OXR1: variants seen among roughly 807,000 people sequenced by gnomAD.
The protein encoded by OXR1 is oxidation resistance 1.
OXR1 carries 41 observed loss-of-function variants against 104.6 expected under a neutral mutation model. The ratio of observed to expected loss-of-function variants is 0.39; its 90% CI spans 0.31 to 0.51. OXR1 has a LOEUF of 0.51. Among genes scored for constraint, OXR1 ranks in the 20% least tolerant of loss-of-function variants. The pLI is 0.77. For synonymous variants in OXR1, 348 were observed against 348.4 expected, an observed-to-expected ratio of 1.00 and a Z score of 0.01; for missense variants, 955 against 1,031.9, an observed-to-expected ratio of 0.93 and a Z score of 1.02.
At chr8:106,319,633 T>C (rs989963922) in intron 1 of OXR1, among the ~76,000 whole-genome samples, 3 of 152,206 alleles carry the variant, frequency 2.0e-5, no homozygotes, top group African/African-American at 7.2e-5. Context: ...AGGAAACTTA[T>C]CTTCCTGACA....
At chr8:106,693,928 T>A (rs570247061) in intron 7 of OXR1, among the ~76,000 whole-genome samples, 2 of 152,200 alleles carry the variant, frequency 1.3e-5, no homozygotes, top group Admixed American at 1.3e-4. Flanking sequence ...TTTATGAGTA[T>A]TTGAAACACA....
chr8:106,722,637 G>A (rs1435282787), intron 11 of OXR1, among the ~76,000 whole-genome samples: 4 of 152,136 alleles, frequency 2.6e-5, no homozygotes, highest in Admixed American at 2.0e-4. Flanking sequence ...GTCACCTATA[G>A]TATTCAGTAC....
chr8:106,523,009 ATTGC>A (rs1287553833), intron 3 of OXR1, among the ~76,000 whole-genome samples: 9 of 152,068 alleles, frequency 5.9e-5, no homozygotes, highest in Admixed American at 5.9e-4. Flanking sequence ...CAGGGGAAAA[ATTGC>A]TTCTAAGCTC....
chr8:106,375,946 C>T (rs965375878), intron 2 of OXR1, among the ~76,000 whole-genome samples: 1 of 152,204 alleles, frequency 6.6e-6, no homozygotes, highest in Admixed American at 6.5e-5. Flanking sequence ...AACTCCTGGG[C>T]TCAAGCCATC....
At chr8:106,556,608 A>G (rs1307835538) in intron 3 of OXR1, among the ~76,000 whole-genome samples, 1 of 152,178 alleles carries the variant, frequency 6.6e-6, no homozygotes, top group African/African-American at 2.4e-5. Flanking sequence ...AAATTGTTCT[A>G]ATTAAATGAG....
chr8:106,649,854 G>A (rs1280713086), intron 3 of OXR1, among the ~76,000 whole-genome samples: 1 of 151,934 alleles, frequency 6.6e-6, no homozygotes, highest in Non-Finnish European at 1.5e-5. Flanking sequence ...CCACCGCCAC[G>A]CCCAGCTAAT....
chr8:106,577,488 C>T (rs1397887191), intron 3 of OXR1, among the ~76,000 whole-genome samples: 1 of 145,682 alleles, frequency 6.9e-6, no homozygotes, highest in Admixed American at 7.2e-5. Flanking sequence ...CTCCCGGGTT[C>T]ACACCATTCT....
intron 3 of OXR1, among the ~76,000 whole-genome samples, chr8:106,595,550 C>CAAAAAAAAAAAAAAAAAA (rs67790797): frequency 1.6e-5 from 1 of 60,728 alleles, no homozygotes; most frequent in African/African-American, 5.3e-5. Flanking sequence ...AACTCCGTCT[C>CAAAAAAAAAAAAAAAAAA]AAAAAAAAAA....
At chr8:106,307,795 TTC>T (rs1813525061) in intron 1 of OXR1, among the ~76,000 whole-genome samples, 1 of 152,190 alleles carries the variant, frequency 6.6e-6, no homozygotes, top group South Asian at 2.1e-4. Context: ...TTCTAAATCT[TTC>T]CCTGTTTGTA....
At chr8:106,317,289 T>G (rs1476826146) in intron 1 of OXR1, among the ~76,000 whole-genome samples, 1 of 152,194 alleles carries the variant, frequency 6.6e-6, no homozygotes, top group East Asian at 1.9e-4. Flanking sequence ...AACGCTTGCA[T>G]TTTTATGTTT....
At chr8:106,621,517 A>T (rs1370429187) in intron 3 of OXR1, among the ~76,000 whole-genome samples, 1 of 120,554 alleles carries the variant, frequency 8.3e-6, no homozygotes, top group Non-Finnish European at 1.7e-5. Context: ...CAATAAGAGT[A>T]AAAAAAAAAA....
intron 2 of OXR1, among the ~76,000 whole-genome samples, chr8:106,493,034 G>A (rs1206742630): frequency 6.6e-6 from 1 of 152,090 alleles, no homozygotes; most frequent in African/African-American, 2.4e-5. Flanking sequence ...TAGACCTTCA[G>A]GCTAGGAGAC....
intron 3 of OXR1, among the ~76,000 whole-genome samples, chr8:106,550,997 G>A (rs1479101614): frequency 6.6e-6 from 1 of 152,058 alleles, no homozygotes; most frequent in Non-Finnish European, 1.5e-5. Flanking sequence ...GCTTATTAAT[G>A]TTCTAAAACT....
chr8:106,602,013 C>T (rs924807552), intron 3 of OXR1, among the ~76,000 whole-genome samples: 4 of 152,038 alleles, frequency 2.6e-5, no homozygotes, highest in Non-Finnish European at 5.9e-5. Context: ...ATGGGTGACC[C>T]TTCATTGCTG....
At chr8:106,514,837 A>G (rs1268698187) in intron 2 of OXR1, among the ~76,000 whole-genome samples, 1 of 152,112 alleles carries the variant, frequency 6.6e-6, no homozygotes, top group East Asian at 1.9e-4. Flanking sequence ...AATGTAAATA[A>G]TTGTTAATAA....
At chr8:106,702,821 T>G in intron 7 of OXR1, 85 bp from the exon 8 acceptor site, 1 of 1,044,306 alleles carries the variant, frequency 9.6e-7, no homozygotes, top group Admixed American at 2.5e-5. Context: ...TGGCCTAACA[T>G]CAGAAGAAAA....
chr8:106,710,293 A>ATG (rs1831565102), intron 9 of OXR1, among the ~76,000 whole-genome samples: 2 of 149,300 alleles, frequency 1.3e-5, no homozygotes, highest in Non-Finnish European at 3.0e-5. Context: ...AAAATTATAT[A>ATG]TATATTATGT....
intron 1 of OXR1, among the ~76,000 whole-genome samples, chr8:106,357,285 C>T (rs1816013308): frequency 6.6e-6 from 1 of 151,210 alleles, no homozygotes; most frequent in Non-Finnish European, 1.5e-5. Context: ...AGCTTGGAAA[C>T]TTTTGAAGTT....
intron 2 of OXR1, among the ~76,000 whole-genome samples, chr8:106,453,800 A>G (rs1273627921): frequency 2.0e-5 from 3 of 152,232 alleles, no homozygotes; most frequent in African/African-American, 4.8e-5. Flanking sequence ...TCCCCCCAGC[A>G]TATAGCATAG....
Sources: gnomAD v4.1 joint callset for allele counts (sites outside exome capture counted in the v4.1 genomes callset) on GRCh38, gnomAD v4.1.1 for gene constraint, MANE v1.5 for transcripts, NCBI Gene and HGNC (gene_info 2026-07-23, HGNC 2026-07-21) for gene names.